Variants in HECTD2 observed in about 807,000 individuals in gnomAD.
HECTD2 encodes HECT domain E3 ubiquitin protein ligase 2, also known as probable E3 ubiquitin-protein ligase HECTD2.
Under a neutral mutation model 103.2 loss-of-function variants are expected in HECTD2, and 35 were observed. The observed-to-expected ratio is 0.34, with a 90% confidence interval of 0.26 to 0.45. The LOEUF is 0.45. Ranked by LOEUF, HECTD2 falls within the 20% of genes least tolerant of loss-of-function variation. The pLI is 1.00. For synonymous variants in HECTD2, 281 were observed against 329.9 expected, an observed-to-expected ratio of 0.85 and a Z score of 1.61; for missense variants, 596 against 937.4, an observed-to-expected ratio of 0.64 and a Z score of 4.76.
chr10:91,465,918 T>G (rs1845517559), intron 5 of HECTD2, among the ~76,000 whole-genome samples: 1 of 152,192 alleles, frequency 6.6e-6, no homozygotes, highest in Non-Finnish European at 1.5e-5. Flanking sequence ...ATCTTTCTCT[T>G]TTGAGCATTA....
intron 11 of HECTD2, 29 bp from the exon 12 acceptor site, chr10:91,491,171 C>T: frequency 8.5e-7 from 1 of 1,176,254 alleles, no homozygotes; most frequent in Non-Finnish European, 1.3e-6. Context: ...TAAGTAAAAG[C>T]AAAACTGTTT....
At chr10:91,467,819 G>A (rs1450942658) in intron 5 of HECTD2, among the ~76,000 whole-genome samples, 1 of 152,084 alleles carries the variant, frequency 6.6e-6, no homozygotes, top group African/African-American at 2.4e-5. Context: ...CCACTGGCAT[G>A]TGGGCACCCA....
intron 1 of HECTD2, among the ~76,000 whole-genome samples, chr10:91,415,145 A>G (rs896563851): frequency 6.6e-6 from 1 of 151,684 alleles, no homozygotes; most frequent in Non-Finnish European, 1.5e-5. Context: ...AATAAAGGAA[A>G]AGGACTCAGG....
At chr10:91,451,873 C>CCTGATTA (rs1844844107) in intron 2 of HECTD2, among the ~76,000 whole-genome samples, 1 of 151,988 alleles carries the variant, frequency 6.6e-6, no homozygotes, top group South Asian at 2.1e-4. Flanking sequence ...GAAAATATAT[C>CCTGATTA]CTGATTACAT....
Position 91,462,148 on chromosome 10 carries a change from A to G in HECTD2, c.564A>G (p.Lys188=), listed in dbSNP as rs1845375659. ...TTGAAGACTCTGGGATTAATGCTAAATTTGTGAATGCTGTGTATGATACCT... is the reference window on the plus strand; with the variant it reads ...TTGAAGACTCTGGGATTAATGCTAAGTTTGTGAATGCTGTGTATGATACCT... ...NTIEDSGINA[K]FVNAVYDTLL... is the part of the protein sequence containing the mutation. The change falls in exon 5 of 21, where the codon AAA becomes AAG. Residue 188 remains lysine, a synonymous_variant. Transcript: ENST00000298068. The G allele has an allele frequency of 1.3e-6, 2 of 1,594,466 alleles. No homozygotes were observed. The highest frequency in any genetic ancestry group is 2.7e-5 in the African/African-American group (2 of 74,438).
rs1846305707 is a variant in HECTD2, at chr10:91,487,488, A to G, written c.1095-194A>G. 1.6e-6 allele frequency: 1 copy of G among 619,984 alleles called. No individual in the cohort carries two copies. The highest frequency in any genetic ancestry group is 1.6e-5 in the South Asian group (1 of 60,852). The allele number at this position is 619,984 out of a possible 1,614,324, so 38.4% of individuals were successfully genotyped here. A position where few individuals can be genotyped will look rare whatever the true frequency, so the allele number is the denominator to read the frequency against. Reference sequence around the variant, plus strand: ...TCTGCAGAGAATAAAGGCATTGCACATCTAGTAATGATACATTCTTCACAT... The same window carrying G: ...TCTGCAGAGAATAAAGGCATTGCACGTCTAGTAATGATACATTCTTCACAT... On this transcript the variant is annotated intron_variant, in intron 10 of 20. Coordinates refer to ENST00000298068, the MANE Select transcript of HECTD2 (RefSeq NM_182765.6). This position sits in a 1 kb window ranked among gnomAD's most constrained non-coding sequence, Gnocchi z 4.1.
At chr10:91,454,384 C>A (rs1197993235) in intron 2 of HECTD2, among the ~76,000 whole-genome samples, 7 of 151,986 alleles carry the variant, frequency 4.6e-5, no homozygotes, top group Admixed American at 4.6e-4. Context: ...CTCCAAAATA[C>A]TTGGAAATTA....
chr10:91,459,974 C>T (rs1845273331), intron 2 of HECTD2, among the ~76,000 whole-genome samples: 1 of 152,024 alleles, frequency 6.6e-6, no homozygotes, highest in Non-Finnish European at 1.5e-5. Flanking sequence ...TGTATGATGT[C>T]CACACAGTGA....
In HECTD2 at chr10:91,512,386, C is replaced by T. The variant is rs373251356; in HGVS notation, c.*2C>T. 2 of 1,611,318 alleles carry T rather than the reference C, an allele frequency of 1.2e-6. No homozygotes were observed. Among genetic ancestry groups the T allele is most frequent in the African/African-American group, 1.3e-5 (1 of 74,830 alleles). On this transcript the variant is annotated 3_prime_UTR_variant, in exon 21 of 21. Coordinates refer to ENST00000298068, the MANE Select transcript of HECTD2 (RefSeq NM_182765.6). ...TCAGAAGGTTTTGGACTTGAGTAAC[C>T]TAGAAGACTTGAAATATAATCTTTT... is the stretch of plus-strand genomic sequence containing the variant.
chr10:91,512,615 T>G lies in HECTD2; in HGVS notation c.*231T>G. 2.1e-6 allele frequency: 1 copy of G among 479,122 alleles called. No homozygotes were observed. Among genetic ancestry groups the G allele is most frequent in the Non-Finnish European group, 3.7e-6 (1 of 267,582 alleles). 29.7% of individuals were successfully genotyped at this position (479,122 alleles called of 1,614,324 possible). A position where few individuals can be genotyped will look rare whatever the true frequency, so the allele number is the denominator to read the frequency against. On this transcript the variant is annotated 3_prime_UTR_variant, in exon 21 of 21. Transcript: ENST00000298068. ...AAAGTCCACATGGCAGAGACAGGTATGGTCCAGTTCCTCTTTTATATAGCA... is the reference window on the plus strand; with the variant it reads ...AAAGTCCACATGGCAGAGACAGGTAGGGTCCAGTTCCTCTTTTATATAGCA...
Position 91,491,208 on chromosome 10 carries a change from G to A in HECTD2, c.1200G>A (p.Leu400=), listed in dbSNP as rs139713115. 3 of 1,535,356 alleles carry A rather than the reference G, an allele frequency of 2.0e-6. No individual in the cohort carries two copies. The highest frequency in any genetic ancestry group is 2.7e-6 in the Non-Finnish European group (3 of 1,115,248). The change falls in exon 12 of 21, where the codon CTG becomes CTA. Residue 400 remains leucine (L), a synonymous_variant. Coordinates refer to ENST00000298068, the MANE Select transcript of HECTD2 (RefSeq NM_182765.6). The stretch of plus-strand genomic sequence containing the variant: ...CTTTCTTATTTAATCAGCAAAGTCT[G>A]GTGGATAAAGTATCTCGAAGACAGA... ...QQMINIARQS[L]VDKVSRRQRP...
At chr10:91,473,904 G>A (rs934416073) in intron 5 of HECTD2, among the ~76,000 whole-genome samples, 41 of 152,018 alleles carry the variant, frequency 2.7e-4, no homozygotes, top group African/African-American at 9.7e-4. Context: ...TACTGCATTG[G>A]GGGTCAGCAT....
rs552806618 is a variant in HECTD2 at position 91,473,494 on chromosome 10, A to T, written c.601-4707A>T. On this transcript the variant is annotated intron_variant, in intron 5 of 20. Transcript: ENST00000298068. Reference sequence around the variant, plus strand: ...AGAGGAAGGATCTGAGATATAAGAAAGAATGATGAAAAAGAAATTCATAAA... The same window carrying T: ...AGAGGAAGGATCTGAGATATAAGAATGAATGATGAAAAAGAAATTCATAAA... Among the ~76,000 whole-genome samples, 25 of 152,314 alleles carry T rather than the reference A, an allele frequency of 1.6e-4. No individual in the cohort carries two copies. The South Asian group carries it at 4.1e-3, about 25-fold the overall frequency.
At chr10:91,467,882 C>A (rs1441421631) in intron 5 of HECTD2, among the ~76,000 whole-genome samples, 1 of 151,494 alleles carries the variant, frequency 6.6e-6, no homozygotes, top group Non-Finnish European at 1.5e-5. Context: ...GCAACTAGCC[C>A]CCCCACCATG....
intron 2 of HECTD2, among the ~76,000 whole-genome samples, chr10:91,458,159 A>G (rs1011787959): frequency 4.6e-5 from 7 of 151,930 alleles, no homozygotes; most frequent in African/African-American, 1.7e-4. Flanking sequence ...GAACACACGG[A>G]CACTAAAATA....
chr10:91,433,249 A>G (rs954144972), intron 2 of HECTD2, among the ~76,000 whole-genome samples: 7 of 152,106 alleles, frequency 4.6e-5, no homozygotes, highest in African/African-American at 1.7e-4. Flanking sequence ...TTTTTATTGA[A>G]TAGGTAACAC....
chr10:91,490,476 T>G (rs1846424215), intron 11 of HECTD2, among the ~76,000 whole-genome samples: 1 of 152,218 alleles, frequency 6.6e-6, no homozygotes, highest in Non-Finnish European at 1.5e-5. Context: ...TAATTGTACC[T>G]TTAAAGAAAA....
At chr10:91,503,616 C>T (rs950437121) in intron 20 of HECTD2, among the ~76,000 whole-genome samples, 12 of 152,194 alleles carry the variant, frequency 7.9e-5, no homozygotes, top group Non-Finnish European at 1.2e-4. Context: ...GCACTTGGCT[C>T]GGAGGGTCCT....
intron 1 of HECTD2, among the ~76,000 whole-genome samples, chr10:91,422,678 C>CT (rs1414928114): frequency 4.6e-5 from 7 of 152,084 alleles, no homozygotes; most frequent in Non-Finnish European, 1.0e-4. Context: ...GAACAAACTG[C>CT]TTTAATTTAC....
Sources: allele counts gnomAD v4.1 joint callset (sites outside exome capture counted in the v4.1 genomes callset), GRCh38; gene constraint gnomAD v4.1.1; non-coding constraint Gnocchi (gnomAD v3.1); transcripts MANE v1.5; gene names NCBI Gene and HGNC (gene_info 2026-07-23, HGNC 2026-07-21).